The following SYN3 variants were observed in gnomAD, a reference collection of about 807,000 sequenced individuals.
SYN3 encodes synapsin-3.
A neutral mutation model predicts 65.8 loss-of-function variants in SYN3; 35 were observed. The ratio of observed to expected loss-of-function variants is 0.53; its 90% confidence interval spans 0.41 to 0.70. The LOEUF is 0.70. Ranked by LOEUF, SYN3 falls within the 30% of genes least tolerant of loss-of-function variation. The pLI, the probability that SYN3 is intolerant of heterozygous loss-of-function variation, is 0.00. For missense variants in SYN3, 680 were observed against 749.0 expected, an observed-to-expected ratio of 0.91 and a Z score of 1.08; for synonymous variants, 270 against 292.9, an observed-to-expected ratio of 0.92 and a Z score of 0.80.
chr22:32,759,110 C>T (rs186238774), intron 6 of SYN3, among the ~76,000 whole-genome samples: 3 of 152,186 alleles, frequency 2.0e-5, no homozygotes, highest in South Asian at 2.1e-4. Flanking sequence ...CAGTTGTGGT[C>T]GCCAGATGGA....
chr22:32,726,346 T>C (rs550884847), intron 6 of SYN3, among the ~76,000 whole-genome samples: 1 of 152,196 alleles, frequency 6.6e-6, no homozygotes, highest in Admixed American at 6.5e-5. Context: ...TTTCACCATG[T>C]TGGCCAGGAT....
intron 6 of SYN3, among the ~76,000 whole-genome samples, chr22:32,682,024 G>A (rs73403106): frequency 0.016 from 2,479 of 152,252 alleles, 78 homozygotes; most frequent in African/African-American, 0.056. Context: ...GGGGAAAGAC[G>A]ATGTAGCTTG....
intron 6 of SYN3, among the ~76,000 whole-genome samples, chr22:32,831,401 T>C (rs2047569647): frequency 1.3e-5 from 2 of 152,112 alleles, no homozygotes; most frequent in African/African-American, 4.8e-5. Context: ...AGAGTCTACT[T>C]GTCTGTGAGA....
intron 6 of SYN3, among the ~76,000 whole-genome samples, chr22:32,731,250 G>A (rs1250097629): frequency 1.3e-5 from 2 of 152,216 alleles, no homozygotes; most frequent in African/African-American, 4.8e-5. Flanking sequence ...CCTTTGGTGT[G>A]TGATTTCAGT....
At chr22:32,536,353 C>T (rs1569015343) in intron 9 of SYN3, among the ~76,000 whole-genome samples, 1 of 152,222 alleles carries the variant, frequency 6.6e-6, no homozygotes, top group Non-Finnish European at 1.5e-5. Context: ...ACAGGTGTTC[C>T]TCCCTGCCAG....
rs1332357804 is a variant in SYN3, at chr22:32,773,966, G to A, written c.711+90949C>T. Among the ~76,000 whole-genome samples, 3 of 152,278 alleles carry A rather than the reference G, an allele frequency of 2.0e-5. No homozygotes were observed. In the East Asian group the frequency reaches 5.8e-4, roughly 29 times the overall value. On this transcript the variant is annotated intron_variant, in intron 6 of 13. Transcript: ENST00000358763. The stretch of plus-strand genomic sequence containing the variant: ...AACGGAACTGCCAGTAGGAGGGCTG[G>A]TAGAAGCAAAGGAAGGGAGATCCGG...
intron 13 of SYN3, among the ~76,000 whole-genome samples, chr22:32,514,866 A>C (rs754806200): frequency 6.6e-6 from 1 of 152,144 alleles, no homozygotes; most frequent in South Asian, 2.1e-4. Context: ...AATACAAAAA[A>C]TTAGCCGGGT....
intron 3 of SYN3, among the ~76,000 whole-genome samples, chr22:32,937,975 A>G (rs2050821391): frequency 1.3e-5 from 2 of 152,206 alleles, no homozygotes; most frequent in Non-Finnish European, 2.9e-5. Flanking sequence ...CAAAATGGCC[A>G]AAGTTTTTCT....
intron 7 of SYN3, among the ~76,000 whole-genome samples, chr22:32,565,728 A>AT (rs2058663478): frequency 6.8e-6 from 1 of 147,110 alleles, no homozygotes; most frequent in African/African-American, 2.5e-5. Flanking sequence ...TTATTTATTT[A>AT]ATTTTTTTTT....
At chr22:32,772,253 CTTTT>C (rs2045790832) in intron 6 of SYN3, among the ~76,000 whole-genome samples, 2 of 145,806 alleles carry the variant, frequency 1.4e-5, no homozygotes, top group African/African-American at 5.1e-5. Flanking sequence ...CTTCTTCTTT[CTTTT>C]TCTTTTCTTT....
chr22:32,543,997 G>A (rs2058299192), intron 7 of SYN3, among the ~76,000 whole-genome samples: 1 of 152,170 alleles, frequency 6.6e-6, no homozygotes, highest in Non-Finnish European at 1.5e-5. Context: ...TGAGTGCTGT[G>A]GCATGATCAT....
At position 32,951,349 on chromosome 22, in the gene SYN3, G is replaced by A. The variant is rs922221828; in HGVS notation, c.370-19868C>T. ...GTCCCTCTCAGTGGCGCCCCCAGCT[G>A]CATCCTCCCTGCAAAGCACCCTGCT... is the stretch of plus-strand genomic sequence containing the variant. On this transcript the variant is annotated intron_variant, in intron 3 of 13. Transcript: ENST00000358763. 4.6e-5 allele frequency among the ~76,000 whole-genome samples: 7 copies of A among 151,974 alleles called. No homozygotes were observed. The South Asian group carries it at 1.5e-3, about 32-fold the overall frequency.
At chr22:32,947,116 G>C (rs2051136213) in intron 3 of SYN3, among the ~76,000 whole-genome samples, 1 of 152,188 alleles carries the variant, frequency 6.6e-6, no homozygotes, top group African/African-American at 2.4e-5. Context: ...ATTTGACACT[G>C]ACCCAGTGTA....
At chr22:32,938,877 G>A (rs958381383) in intron 3 of SYN3, among the ~76,000 whole-genome samples, 1 of 146,888 alleles carries the variant, frequency 6.8e-6, no homozygotes, top group Non-Finnish European at 1.5e-5. Context: ...GCAATGAGCA[G>A]AGACTGCACC....
chr22:32,541,202 C>T (rs1167353222), intron 8 of SYN3, among the ~76,000 whole-genome samples: 1 of 152,154 alleles, frequency 6.6e-6, no homozygotes, highest in African/African-American at 2.4e-5. Flanking sequence ...ACAGATCAGA[C>T]CCTTTGCTCA....
At chr22:32,777,090 T>G (rs1303594366) in intron 6 of SYN3, among the ~76,000 whole-genome samples, 1 of 152,192 alleles carries the variant, frequency 6.6e-6, no homozygotes, top group Non-Finnish European at 1.5e-5. Context: ...CTCCGTGGCT[T>G]TCAAATTCAG....
intron 6 of SYN3, among the ~76,000 whole-genome samples, chr22:32,758,743 A>G (rs1054557442): frequency 1.6e-5 from 2 of 128,182 alleles, no homozygotes; most frequent in African/African-American, 5.6e-5. Flanking sequence ...TGACTAACAC[A>G]CTGCCTAAAT....
In SYN3 at chr22:32,527,923, G is replaced by T; in HGVS notation, c.1313C>A (p.Pro438Gln). ...QLGQPQPRPP[P>Q]QGGPRQAQSP... ...TGGCTCGTCCTGGGTCATACCTTGC[G>T]GAGGTGGGCGTGGCTGGGGCTGGCC... The change falls in exon 12 of 14, where the codon CCG (proline) becomes CAG (glutamine). Residue 438 changes from proline to glutamine, a missense_variant. Coordinates refer to ENST00000358763, the MANE Select transcript of SYN3 (RefSeq NM_003490.4). 6.3e-7 allele frequency: 1 copy of T among 1,588,174 alleles called. No homozygotes were observed.
chr22:32,968,210 G>A (rs1030575491), intron 3 of SYN3, among the ~76,000 whole-genome samples: 10 of 152,208 alleles, frequency 6.6e-5, no homozygotes, highest in African/African-American at 2.2e-4. Context: ...TTACAGGTAT[G>A]AGAATGGCTC....
Sources: gnomAD v4.1 joint callset for allele counts (sites outside exome capture counted in the v4.1 genomes callset) on GRCh38, gnomAD v4.1.1 for gene constraint, MANE v1.5 for transcripts, NCBI Gene and HGNC (gene_info 2026-07-23, HGNC 2026-07-21) for gene names.